Variants in NRXN1 observed in about 807,000 individuals in gnomAD.
NRXN1 encodes the protein neurexin-1.
Under a neutral mutation model 150.9 loss-of-function variants are expected in NRXN1, and 39 were observed. The observed-to-expected ratio is 0.26, with a 90% confidence interval of 0.20 to 0.34. NRXN1 has a LOEUF of 0.34. Among genes scored for constraint, NRXN1 ranks in the 10% least tolerant of loss-of-function variants. NRXN1 has a pLI of 1.00. For missense variants in NRXN1, 1,815 were observed against 1,949.9 expected (o/e 0.93, Z 1.30); for synonymous variants, 924 against 757.0 (o/e 1.22, Z -3.62).
At position 50,346,523 on chromosome 2, in the gene NRXN1, C is replaced by T. The variant is rs2077986394; in HGVS notation, c.3365-109553G>A. On this transcript the variant is annotated intron_variant, in intron 17 of 22. Coordinates refer to ENST00000401669, the MANE Select transcript of NRXN1 (RefSeq NM_001330078.2). The surrounding 1 kb of genome is among the most constrained non-coding windows in gnomAD (Gnocchi z 5.0). The stretch of plus-strand genomic sequence containing the variant: ...CACCCGCGACGCCTTCCCCCATCCC[C>T]TTTCTATTGTCTTCAAAGAGATAAG... 6.6e-6 allele frequency among the ~76,000 whole-genome samples: 1 copy of T among 152,048 alleles called. No homozygotes were observed. The highest frequency in any genetic ancestry group is 1.5e-5 in the Non-Finnish European group (1 of 68,002).
chr2:50,466,329 G>A (rs115199228), intron 16 of NRXN1: 4 of 376,514 alleles, frequency 1.1e-5, no homozygotes, highest in Middle Eastern at 3.9e-4. Flanking sequence ...CTTGCACAAC[G>A]TTCAAGAAAG....
At chr2:50,125,640 G>A (rs1485265975) in intron 18 of NRXN1, among the ~76,000 whole-genome samples, 2 of 152,024 alleles carry the variant, frequency 1.3e-5, no homozygotes, top group Non-Finnish European at 2.9e-5. Context: ...AATATTTTTG[G>A]TTACAGTTAA....
At chr2:50,282,283 A>G (rs76317809) in intron 17 of NRXN1, among the ~76,000 whole-genome samples, 2,272 of 152,288 alleles carry the variant, frequency 0.015, 57 homozygotes, top group African/African-American at 0.052. Context: ...GGAGAGATGT[A>G]GTTCTATTTA....
At chr2:50,550,531 ATTC>A (rs143513092) in intron 9 of NRXN1, among the ~76,000 whole-genome samples, 2,354 of 151,914 alleles carry the variant, frequency 0.015, 65 homozygotes, top group African/African-American at 0.054. Flanking sequence ...CCACTTCAAA[ATTC>A]TTCTGCTTGA....
chr2:50,942,915 T>C (rs1575005503), intron 2 of NRXN1, among the ~76,000 whole-genome samples: 1 of 152,306 alleles, frequency 6.6e-6, no homozygotes, highest in East Asian at 1.9e-4. Context: ...TGGAATAACA[T>C]GGTTTGGCTC....
intron 5 of NRXN1, among the ~76,000 whole-genome samples, chr2:50,911,446 G>A (rs192249595): frequency 1.9e-3 from 291 of 151,338 alleles, no homozygotes; most frequent in Admixed American, 5.1e-3. Flanking sequence ...TGTCATTTCT[G>A]AATGTCTAAT....
intron 17 of NRXN1, among the ~76,000 whole-genome samples, chr2:50,449,089 T>G (rs145227472): frequency 6.6e-6 from 1 of 152,188 alleles, no homozygotes; most frequent in South Asian, 2.1e-4. Flanking sequence ...ACTGGTGAAT[T>G]CAGACCTTTT....
rs1573819470 is a variant in NRXN1, at chr2:50,619,747, T to C, written c.1320+275A>G. ...TCAACTTTAGACCCAGTATCTCTTT[T>C]TGTTTGACTTTCTTTTATAGCTAAT... On this transcript the variant is annotated intron_variant, in intron 8 of 22. Coordinates refer to ENST00000401669, the MANE Select transcript of NRXN1 (RefSeq NM_001330078.2). 5.3e-5 allele frequency: 22 copies of C among 412,070 alleles called. No individual in the cohort carries two copies. The East Asian group carries it at 7.7e-4, about 14-fold the overall frequency. 25.5% of individuals were successfully genotyped at this position (412,070 alleles called of 1,614,324 possible). A position where few individuals can be genotyped will look rare whatever the true frequency, so the allele number is the denominator to read the frequency against.
chr2:51,004,058 T>C (rs1332859561), intron 2 of NRXN1, among the ~76,000 whole-genome samples: 2 of 145,330 alleles, frequency 1.4e-5, no homozygotes, highest in African/African-American at 5.5e-5. Context: ...TTTGCTTGTG[T>C]GGTGGTGGGG....
chr2:50,700,624 C>T (rs968674217), intron 5 of NRXN1, among the ~76,000 whole-genome samples: 13 of 152,116 alleles, frequency 8.5e-5, no homozygotes, highest in Non-Finnish European at 2.9e-5. Flanking sequence ...ATTAACTAGG[C>T]TCTAATAAAA....
rs1168403119 is a variant in NRXN1, at chr2:50,810,801, G to GA, written c.832+111067dup. Among the ~76,000 whole-genome samples, 4 of 152,154 alleles carry GA rather than the reference G, an allele frequency of 2.6e-5. No homozygotes were observed. The South Asian group carries it at 6.2e-4, about 24-fold the overall frequency. On this transcript the variant is annotated intron_variant, in intron 5 of 22. Coordinates refer to ENST00000401669, the MANE Select transcript of NRXN1 (RefSeq NM_001330078.2). ...TGAAGACCATCCTGGCCAACATGGT[G>GA]AAACCCTGTCTCTACCAAAATACAA...
chr2:50,860,918 C>G (rs1329222978), intron 5 of NRXN1, among the ~76,000 whole-genome samples: 1 of 152,060 alleles, frequency 6.6e-6, no homozygotes, highest in East Asian at 1.9e-4. Flanking sequence ...TTCATAGTAT[C>G]TAACGTTGTT....
At chr2:50,676,409 A>AT (rs1689549765) in intron 5 of NRXN1, among the ~76,000 whole-genome samples, 1 of 152,156 alleles carries the variant, frequency 6.6e-6, no homozygotes. Context: ...TAGAAGACAG[A>AT]TTAGTGGTTA....
intron 5 of NRXN1, among the ~76,000 whole-genome samples, chr2:50,719,950 G>C (rs1349333461): frequency 2.6e-5 from 4 of 152,148 alleles, no homozygotes; most frequent in Non-Finnish European, 5.9e-5. Context: ...AAAGCTGAGA[G>C]AGCCATCAAC....
intron 21 of NRXN1, chr2:49,974,140 G>T (rs1198875869): frequency 1.4e-6 from 1 of 714,424 alleles, no homozygotes; most frequent in Non-Finnish European, 2.6e-6. Context: ...ATGATAAATT[G>T]CCTGCGCATC....
At chr2:50,307,252 G>C (rs1200097752) in intron 17 of NRXN1, among the ~76,000 whole-genome samples, 1 of 152,132 alleles carries the variant, frequency 6.6e-6, no homozygotes, top group Non-Finnish European at 1.5e-5. Context: ...AAAGTGCTGG[G>C]ATCACAGGTG....
chr2:50,963,558 CTA>C (rs1195837675), intron 2 of NRXN1, among the ~76,000 whole-genome samples: 1 of 151,652 alleles, frequency 6.6e-6, no homozygotes, highest in Non-Finnish European at 1.5e-5. Context: ...TAGGTTTGAA[CTA>C]TGTGTTTACA....
intron 5 of NRXN1, among the ~76,000 whole-genome samples, chr2:50,921,255 A>G (rs1011250062): frequency 6.6e-6 from 1 of 151,836 alleles, no homozygotes; most frequent in African/African-American, 2.4e-5. Context: ...ATCAAAGAGT[A>G]CACATGCCTG....
intron 17 of NRXN1, among the ~76,000 whole-genome samples, chr2:50,424,643 CTTAA>C (rs2084336126): frequency 6.6e-6 from 1 of 152,054 alleles, no homozygotes; most frequent in Admixed American, 6.6e-5. Context: ...TCAAGCACAA[CTTAA>C]TTTAATTAAT....
Sources: gnomAD v4.1 joint callset for allele counts (sites outside exome capture counted in the v4.1 genomes callset) on GRCh38, gnomAD v4.1.1 for gene constraint, Gnocchi (gnomAD v3.1) non-coding constraint, MANE v1.5 for transcripts, NCBI Gene and HGNC (gene_info 2026-07-23, HGNC 2026-07-21) for gene names.